The following PRKG1 variants were observed in gnomAD, a reference collection of about 807,000 sequenced individuals.
PRKG1 encodes the protein cGMP-dependent protein kinase 1.
Under a neutral mutation model 88.1 loss-of-function variants are expected in PRKG1, and 35 were observed. That is an observed-to-expected ratio of 0.40 (90% CI 0.30 to 0.53). PRKG1 has a LOEUF of 0.53. PRKG1 is among the 20% of genes least tolerant of loss of function. The pLI is 0.59. For synonymous variants in PRKG1, 303 were observed against 292.5 expected (o/e 1.04, Z -0.37); for missense variants, 540 against 839.8 (o/e 0.64, Z 4.41).
rs139061581 is a variant in PRKG1, at chr10:51,037,447, C to A, written c.266+45803C>A. On this transcript the variant is annotated intron_variant, in intron 1 of 17. Transcript: ENST00000401604. ...CCACTGCACTCAGCCTGGATGACAG[C>A]GTGAAATCCTTTCTAAAAAAACAAA... 4.1e-3 allele frequency among the ~76,000 whole-genome samples: 627 copies of A among 151,936 alleles called. 4 individuals are homozygous for A. The highest frequency in any genetic ancestry group is 0.014 in the African/African-American group (576 of 41,432).
intron 3 of PRKG1, among the ~76,000 whole-genome samples, chr10:51,770,344 A>T (rs1395633490): frequency 6.6e-6 from 1 of 152,232 alleles, no homozygotes; most frequent in Non-Finnish European, 1.5e-5. Context: ...ATGTTAATTA[A>T]AAGGACATGG....
At chr10:51,079,741 T>C (rs953147920) in intron 1 of PRKG1, among the ~76,000 whole-genome samples, 13 of 152,040 alleles carry the variant, frequency 8.6e-5, no homozygotes, top group Non-Finnish European at 1.8e-4. Flanking sequence ...ACTAATGCAG[T>C]TCTGAATGCC....
At chr10:51,834,101 A>G (rs72799462) in intron 4 of PRKG1, among the ~76,000 whole-genome samples, 13,971 of 152,090 alleles carry the variant, frequency 0.092, 704 homozygotes, top group African/African-American at 0.11. Flanking sequence ...TCCATTGTGT[A>G]TACAGACCAC....
At chr10:51,586,234 C>G (rs575831123) in intron 3 of PRKG1, among the ~76,000 whole-genome samples, 1 of 152,240 alleles carries the variant, frequency 6.6e-6, no homozygotes, top group East Asian at 1.9e-4. Flanking sequence ...TTAATTTGTT[C>G]AGCTATAGGG....
intron 2 of PRKG1, among the ~76,000 whole-genome samples, chr10:51,170,055 C>T (rs936701109): frequency 2.6e-5 from 4 of 151,946 alleles, no homozygotes; most frequent in African/African-American, 9.7e-5. Flanking sequence ...GCTTTGACAC[C>T]TTCTGACTGG....
intron 8 of PRKG1, among the ~76,000 whole-genome samples, chr10:52,136,178 A>G (rs1234550978): frequency 1.3e-5 from 2 of 152,120 alleles, no homozygotes; most frequent in African/African-American, 4.8e-5. Flanking sequence ...AAGTGAGAAC[A>G]CTGAGCTTAC....
intron 3 of PRKG1, among the ~76,000 whole-genome samples, chr10:51,711,355 C>T (rs573470001): frequency 1.3e-5 from 2 of 151,866 alleles, no homozygotes; most frequent in East Asian, 2.0e-4. Context: ...CGACCCGCCT[C>T]GGGCTCCCAA....
chr10:51,544,683 G>C lies in PRKG1; in HGVS notation c.592+76847G>C, dbSNP rs182922455. Among the ~76,000 whole-genome samples the C allele has an allele frequency of 3.1e-3, 465 of 152,268 alleles. 2 individuals carry two copies. Among genetic ancestry groups the C allele is most frequent in the African/African-American group, 0.011 (438 of 41,562 alleles). On this transcript the variant is annotated intron_variant, in intron 3 of 17. Transcript: ENST00000373980. ...TTACAGTCCCACCAACAGTGTAAAAGTGTTCCTATTTCTCCACATCCTCTC... is the reference window on the plus strand; with the variant it reads ...TTACAGTCCCACCAACAGTGTAAAACTGTTCCTATTTCTCCACATCCTCTC...
At chr10:52,004,015 T>A (rs773320873) in intron 5 of PRKG1, among the ~76,000 whole-genome samples, 2 of 151,776 alleles carry the variant, frequency 1.3e-5, no homozygotes, top group Non-Finnish European at 2.9e-5. Context: ...TTATGAGAGT[T>A]GAATGTATAT....
At chr10:51,925,314 T>C (rs1251601991) in intron 5 of PRKG1, among the ~76,000 whole-genome samples, 1 of 152,086 alleles carries the variant, frequency 6.6e-6, no homozygotes, top group Admixed American at 6.6e-5. Flanking sequence ...ATTTTGTCTT[T>C]GAGTTTCCCT....
rs766254368 is a variant in PRKG1, at chr10:51,074,572, C to G, written c.-19C>G. 3.1e-6 allele frequency: 5 copies of G among 1,597,184 alleles called. No individual in the cohort carries two copies. In the East Asian group the frequency reaches 1.1e-4, roughly 36 times the overall value. On this transcript the variant is annotated 5_prime_UTR_variant, in exon 1 of 18. Coordinates refer to ENST00000373980, the MANE Select transcript of PRKG1 (RefSeq NM_006258.4). ...CGCGGAGCAGCGGCAGGAAGGAGCC[C>G]CCGGCAGCCCGGAGGAGCATGGGCA...
chr10:51,084,222 G>A (rs567197003), intron 1 of PRKG1, among the ~76,000 whole-genome samples: 6 of 152,206 alleles, frequency 3.9e-5, no homozygotes, highest in East Asian at 1.9e-4. Context: ...TGGTTATTGC[G>A]CGTAATTGGG....
At chr10:51,244,242 T>G (rs1839227929) in intron 2 of PRKG1, among the ~76,000 whole-genome samples, 2 of 152,088 alleles carry the variant, frequency 1.3e-5, no homozygotes, top group Admixed American at 1.3e-4. Flanking sequence ...TTCATTTATT[T>G]ATGTGGCAAA....
intron 2 of PRKG1, among the ~76,000 whole-genome samples, chr10:51,193,059 A>G (rs1837670212): frequency 6.6e-6 from 1 of 152,076 alleles, no homozygotes; most frequent in South Asian, 2.1e-4. Flanking sequence ...TTTAGCTGAG[A>G]TCATGGAATC....
At chr10:51,109,270 C>A (rs1241092194) in intron 1 of PRKG1, among the ~76,000 whole-genome samples, 3 of 151,708 alleles carry the variant, frequency 2.0e-5, no homozygotes, top group Admixed American at 6.6e-5. Context: ...TTCAAAATAA[C>A]CAAAAAATGT....
chr10:51,132,346 C>T (rs892324161), intron 1 of PRKG1, among the ~76,000 whole-genome samples: 25 of 152,142 alleles, frequency 1.6e-4, no homozygotes, highest in Non-Finnish European at 2.4e-4. Context: ...TTATTTATTA[C>T]TACACCTCAT....
intron 1 of PRKG1, among the ~76,000 whole-genome samples, chr10:51,092,829 G>T (rs1236919417): frequency 1.3e-5 from 2 of 152,144 alleles, no homozygotes; most frequent in African/African-American, 4.8e-5. Context: ...TTAAGATTCA[G>T]TTACAGATTT....
At chr10:52,192,241 C>G (rs1049898490) in intron 9 of PRKG1, among the ~76,000 whole-genome samples, 3 of 152,036 alleles carry the variant, frequency 2.0e-5, no homozygotes, top group African/African-American at 7.2e-5. Flanking sequence ...GTTTTCTAGA[C>G]AGTAAGATGC....
intron 3 of PRKG1, among the ~76,000 whole-genome samples, chr10:51,703,640 G>A (rs1368597177): frequency 6.6e-6 from 1 of 152,084 alleles, no homozygotes; most frequent in Non-Finnish European, 1.5e-5. Context: ...CAATACAGCA[G>A]TGAAAACAAT....
Sources: gnomAD v4.1 joint callset for allele counts (sites outside exome capture counted in the v4.1 genomes callset) on GRCh38, gnomAD v4.1.1 for gene constraint, MANE v1.5 for transcripts, NCBI Gene and HGNC (gene_info 2026-07-23, HGNC 2026-07-21) for gene names.